The following CEP192 variants were observed in gnomAD, a reference collection of about 807,000 sequenced individuals.
The protein encoded by CEP192 is centrosomal protein of 192 kDa.
In CEP192, 151 loss-of-function variants were observed where a neutral mutation model predicts 271.8. The ratio of observed to expected loss-of-function variants is 0.56; its 90% CI spans 0.49 to 0.64. CEP192 has a LOEUF of 0.64. Among genes scored for constraint, CEP192 ranks in the 30% least tolerant of loss-of-function variants. The pLI, the probability that CEP192 is intolerant of heterozygous loss-of-function variation, is 0.00. For synonymous variants in CEP192, 995 were observed against 1,076.5 expected (o/e 0.92, Z 1.48); for missense variants, 2,910 against 3,020.5 (o/e 0.96, Z 0.86).
At chr18:13,064,663 G>A (rs945115405) in intron 21 of CEP192, among the ~76,000 whole-genome samples, 1 of 151,640 alleles carries the variant, frequency 6.6e-6, no homozygotes, top group Non-Finnish European at 1.5e-5. Context: ...TTTGTGTTTG[G>A]GTCCTCTATT....
chr18:13,085,104 T>C (rs2038834750), intron 30 of CEP192, among the ~76,000 whole-genome samples: 2 of 152,098 alleles, frequency 1.3e-5, no homozygotes, highest in South Asian at 4.2e-4. Flanking sequence ...GGATTACAGG[T>C]GTGAGCCACC....
At chr18:13,115,882 G>C (rs937959126) in intron 42 of CEP192, among the ~76,000 whole-genome samples, 2 of 152,280 alleles carry the variant, frequency 1.3e-5, no homozygotes, top group South Asian at 2.1e-4. Context: ...CAGATGTGCA[G>C]AGAGTTGGGG....
intron 1 of CEP192, among the ~76,000 whole-genome samples, chr18:12,992,887 G>A (rs2032963256): frequency 6.6e-6 from 1 of 152,172 alleles, no homozygotes; most frequent in African/African-American, 2.4e-5. Flanking sequence ...AATGAATGTT[G>A]CATGAATGAC....
At chr18:13,034,820 T>TAAAAA (rs33997079) in intron 11 of CEP192, among the ~76,000 whole-genome samples, 1 of 104,534 alleles carries the variant, frequency 9.6e-6, no homozygotes, top group African/African-American at 3.6e-5. Flanking sequence ...CTCTGTCTCA[T>TAAAAA]AAAAAAAAAA....
chr18:13,030,517 C>T lies in CEP192; in HGVS notation c.1443C>T (p.Val481=), dbSNP rs1290750411. Residue 481 remains valine, a synonymous_variant, in exon 11 of 45, where the codon GTC becomes GTT. Transcript: ENST00000506447. ...ATCAAAATGAAGAGGGTAGGTGGGT[C>T]ACAGACCTTGCCTATTACACATCTT... The part of the protein sequence containing the change: ...VVYQNEEGRW[V]TDLAYYTSFN... The T allele has an allele frequency of 6.2e-7, 1 of 1,612,592 alleles. No homozygotes were observed. Among genetic ancestry groups the T allele is most frequent in the East Asian group, 2.2e-5 (1 of 44,850 alleles).
At chr18:13,073,370 C>T (rs770284912) in intron 30 of CEP192, among the ~76,000 whole-genome samples, 185 bp downstream of exon 30, 15 of 152,264 alleles carry the variant, frequency 9.9e-5, no homozygotes, top group African/African-American at 3.4e-4. Flanking sequence ...TAGCAGCCAG[C>T]GTAGTATTCC....
At chr18:13,040,556 C>T (rs1426796674) in intron 13 of CEP192, among the ~76,000 whole-genome samples, 3 of 152,182 alleles carry the variant, frequency 2.0e-5, no homozygotes, top group East Asian at 1.9e-4. Flanking sequence ...TGAGCCACTG[C>T]GCTTGGCCTC....
rs191374642 is a variant in CEP192 at position 13,050,817 on chromosome 18, T to C, written c.3017+926T>C. ...CTGGTTTTGAACTCCTGACCTCAGG[T>C]AATCCACCTGCCTCGGCCTCCCAAC... On this transcript the variant is annotated intron_variant, in intron 17 of 44. Coordinates refer to ENST00000506447, the MANE Select transcript of CEP192 (RefSeq NM_032142.4). Among the ~76,000 whole-genome samples the C allele has an allele frequency of 3.9e-3, 600 of 152,196 alleles. 2 individuals carry two copies. Among genetic ancestry groups the C allele is most frequent in the Non-Finnish European group, 6.3e-3 (431 of 67,990 alleles).
chr18:13,009,343 A>G (rs1392334365), intron 4 of CEP192, among the ~76,000 whole-genome samples: 2 of 152,192 alleles, frequency 1.3e-5, no homozygotes, highest in Non-Finnish European at 2.9e-5. Flanking sequence ...CATACTTTAT[A>G]TTCAAGACAA....
intron 12 of CEP192, among the ~76,000 whole-genome samples, 168 bp from the exon 13 acceptor site, chr18:13,038,202 T>C (rs191073814): frequency 9.8e-4 from 150 of 152,306 alleles, no homozygotes; most frequent in South Asian, 1.9e-3. Context: ...TGGACTTCAT[T>C]AGCTGTGGTA....
At chr18:12,999,314 A>C (rs1369172027) in intron 1 of CEP192, 107 bp from the exon 2 acceptor site, 7 of 880,322 alleles carry the variant, frequency 8.0e-6, no homozygotes. Context: ...ATGCTAAAAA[A>C]AGGATTTTTT....
At chr18:13,010,618 G>A (rs1469244330) in intron 4 of CEP192, among the ~76,000 whole-genome samples, 1 of 152,158 alleles carries the variant, frequency 6.6e-6, no homozygotes, top group East Asian at 1.9e-4. Flanking sequence ...TGGCCAAGGC[G>A]GGCGGATCAC....
At chr18:12,993,236 G>T (rs1422625702) in intron 1 of CEP192, among the ~76,000 whole-genome samples, 1 of 152,210 alleles carries the variant, frequency 6.6e-6, no homozygotes, top group Non-Finnish European at 1.5e-5. Flanking sequence ...TTTGGGTGAA[G>T]ACTAAAGATA....
intron 40 of CEP192, among the ~76,000 whole-genome samples, chr18:13,107,847 A>G (rs56367511): frequency 6.6e-6 from 1 of 151,556 alleles, no homozygotes; most frequent in African/African-American, 2.4e-5. Flanking sequence ...TCAACTCATA[A>G]TGAGTTAAAG....
At position 13,026,796 on chromosome 18, in the gene CEP192, G is replaced by C. The variant is rs189031535; in HGVS notation, c.1051-2867G>C. On this transcript the variant is annotated intron_variant, in intron 9 of 44. Coordinates refer to ENST00000506447, the MANE Select transcript of CEP192 (RefSeq NM_032142.4). ...ACTCTGTTCTTTCATGTTGTCTGCT[G>C]TATCCATTAGAGCCCTTAGAATATT... Among the ~76,000 whole-genome samples the C allele has an allele frequency of 3.6e-3, 545 of 152,174 alleles. 3 individuals carry two copies. The highest frequency in any genetic ancestry group is 0.013 in the African/African-American group (520 of 41,522).
At chr18:13,082,909 G>C (rs1257592340) in intron 30 of CEP192, among the ~76,000 whole-genome samples, 1 of 152,184 alleles carries the variant, frequency 6.6e-6, no homozygotes, top group East Asian at 1.9e-4. Context: ...ATGAAATTCT[G>C]GGTTGAAAAT....
intron 17 of CEP192, among the ~76,000 whole-genome samples, chr18:13,050,803 C>T (rs1052181798): frequency 1.3e-4 from 20 of 152,256 alleles, no homozygotes; most frequent in Middle Eastern, 6.8e-3. Context: ...TGGTTTTGAA[C>T]TCCTGACCTC....
intron 14 of CEP192, 34 bp from the exon 15 acceptor site, chr18:13,042,170 T>A (rs2036243189): frequency 6.3e-7 from 1 of 1,579,154 alleles, no homozygotes. Context: ...AAATAGTGTA[T>A]ACTTATAAGT....
At position 13,068,989 on chromosome 18, in the gene CEP192, C is replaced by G. The variant is rs751357556; in HGVS notation, c.4960C>G (p.Gln1654Glu). The G allele has an allele frequency of 3.1e-6, 5 of 1,614,068 alleles. No individual in the cohort carries two copies. The South Asian group carries it at 5.5e-5, about 18-fold the overall frequency. The change falls in exon 25 of 45, where the codon CAG (glutamine) becomes GAG (glutamate). Residue 1654 changes from glutamine to glutamate, a missense_variant and splice_region_variant. Transcript: ENST00000506447. ...IARIHAPRDLQTMHFLAKVAS... is the reference protein window; with the variant it reads ...IARIHAPRDLETMHFLAKVAS... The stretch of plus-strand genomic sequence containing the variant: ...TAGGATCCATGCTCCCAGGGACTTG[C>G]AGGTAGCCTCAGTCCTCCTTTCTGC...
Sources: allele counts gnomAD v4.1 joint callset (sites outside exome capture counted in the v4.1 genomes callset), GRCh38; gene constraint gnomAD v4.1.1; transcripts MANE v1.5; gene names NCBI Gene and HGNC (gene_info 2026-07-23, HGNC 2026-07-21).